The following IFT172 variants were observed in gnomAD, a reference collection of about 807,000 sequenced individuals.
The protein encoded by IFT172 is intraflagellar transport protein 172 homolog.
A neutral mutation model predicts 248.9 loss-of-function variants in IFT172; 164 were observed. The observed-to-expected ratio is 0.66, with a 90% confidence interval of 0.58 to 0.75. The LOEUF (loss-of-function observed/expected upper bound fraction) is 0.75. Ranked by LOEUF, IFT172 falls within the 30% of genes least tolerant of loss-of-function variation. The pLI, the probability that IFT172 is intolerant of heterozygous loss-of-function variation, is 0.00. For synonymous variants in IFT172, 729 were observed against 791.6 expected (o/e 0.92, Z 1.33); for missense variants, 1,950 against 2,192.4 (o/e 0.89, Z 2.21).
At chr2:27,459,149 G>A (rs540726679) in intron 25 of IFT172, 40 of 630,300 alleles carry the variant, frequency 6.3e-5, no homozygotes, top group African/African-American at 5.5e-4. Flanking sequence ...CACGCTGACT[G>A]GAACACAGCT....
chr2:27,485,008 C>G lies in IFT172; in HGVS notation c.296+10G>C. 6.9e-7 allele frequency: 1 copy of G among 1,453,156 alleles called. No homozygotes were observed. The highest frequency in any genetic ancestry group is 9.7e-7 in the Non-Finnish European group (1 of 1,034,328). The allele number at this position is 1,453,156 out of a possible 1,614,324, so 90.0% of individuals were successfully genotyped here. A position where few individuals can be genotyped will look rare whatever the true frequency, so the allele number is the denominator to read the frequency against. ...CCTGGGCCATCCCATCTCCCAGTCTCTATCCTCACCAATCTTCTCCAATCT... is the reference window on the plus strand; with the variant it reads ...CCTGGGCCATCCCATCTCCCAGTCTGTATCCTCACCAATCTTCTCCAATCT... On this transcript the variant is annotated intron_variant, in intron 3 of 47. Coordinates refer to ENST00000260570, the MANE Select transcript of IFT172 (RefSeq NM_015662.3).
At chr2:27,449,654 A>T in intron 37 of IFT172, 37 bp downstream of exon 37, 1 of 1,610,590 alleles carries the variant, frequency 6.2e-7, no homozygotes, top group South Asian at 1.1e-5. Flanking sequence ...AAGGAAGTAA[A>T]AGAGAATTTC....
Position 27,459,388 on chromosome 2 carries a change from T to C in IFT172, c.2777A>G (p.Gln926Arg). The change falls in exon 25 of 48, where the codon CAG becomes CGG. Residue 926 changes from glutamine (Q) to arginine (R), a missense_variant. Coordinates refer to ENST00000260570, the MANE Select transcript of IFT172 (RefSeq NM_015662.3). ...PLVAQHYASL[Q>R]EYEIAEELYT... ...GGGACTCTTCCTCACCTCATACTCC[T>C]GCAGGGATGCATAGTGTTGGGCCAC... The C allele has an allele frequency of 6.2e-7, 1 of 1,614,156 alleles. No individual in the cohort carries two copies. Among genetic ancestry groups the C allele is most frequent in the Admixed American group, 1.7e-5 (1 of 60,014 alleles).
intron 15 of IFT172, chr2:27,471,902 G>A (rs952905102): frequency 2.6e-6 from 1 of 381,890 alleles, no homozygotes. Context: ...TCTAGGTGTG[G>A]TGGCACGTGC....
At chr2:27,471,616 A>T (rs1340754213) in intron 15 of IFT172, 2 of 162,420 alleles carry the variant, frequency 1.2e-5, no homozygotes, top group African/African-American at 4.8e-5. Context: ...TCAGCTAGGC[A>T]TGAGGAGGAG....
At chr2:27,465,085 C>T (rs945591804) in intron 18 of IFT172, 26 of 255,524 alleles carry the variant, frequency 1.0e-4, no homozygotes, top group Non-Finnish European at 1.9e-4. Context: ...CTACGCCTGG[C>T]TAATTTTTGT....
chr2:27,447,847 T>A lies in IFT172; in HGVS notation c.4504A>T (p.Ser1502Cys), dbSNP rs79517696. ...AGGACATCTCGAAGATCAGCCCAGCTATGATAGGCCTCGGCACAGTTGGTT... is the reference window on the plus strand; with the variant it reads ...AGGACATCTCGAAGATCAGCCCAGCAATGATAGGCCTCGGCACAGTTGGTT... ...PGTNCAEAYH[S>C]WADLRDVLFN... Residue 1502 changes from serine (S) to cysteine (C), a missense_variant, in exon 41 of 48, where the codon AGC becomes TGC. Transcript: ENST00000260570. The A allele has an allele frequency of 1.5e-5, 25 of 1,613,764 alleles. No individual in the cohort carries two copies. In the East Asian group the frequency reaches 5.3e-4, roughly 35 times the overall value.
intron 30 of IFT172, chr2:27,455,341 G>A (rs1572742838): frequency 6.5e-6 from 2 of 307,020 alleles, no homozygotes; most frequent in South Asian, 5.7e-5. Context: ...AAATTGCTGT[G>A]AACCTCACAG....
At chr2:27,465,605 G>A in intron 17 of IFT172, 87 bp from the exon 18 acceptor site, 1 of 1,533,210 alleles carries the variant, frequency 6.5e-7, no homozygotes, top group Non-Finnish European at 9.0e-7. Flanking sequence ...AAGGGGAGGG[G>A]GAAGGGCCAT....
At chr2:27,456,091 A>C (rs1403249265) in intron 30 of IFT172, among the ~76,000 whole-genome samples, 1 of 152,120 alleles carries the variant, frequency 6.6e-6, no homozygotes, top group Non-Finnish European at 1.5e-5. Context: ...GCATGCCTGT[A>C]GTCCCAGCTA....
chr2:27,462,881 G>A, intron 19 of IFT172, 88 bp from the exon 20 acceptor site: 1 of 1,345,630 alleles, frequency 7.4e-7, no homozygotes, highest in Non-Finnish European at 1.1e-6. Context: ...GAAGGATGTA[G>A]AAAACAAAAG....
At chr2:27,448,840 C>G (rs1342945552) in intron 40 of IFT172, 75 bp downstream of exon 40, 4 of 793,514 alleles carry the variant, frequency 5.0e-6, no homozygotes, top group Non-Finnish European at 6.9e-6. Flanking sequence ...GAAGATAGTT[C>G]CTGAGAAGAT....
chr2:27,461,619 T>G, intron 21 of IFT172, 102 bp from the exon 22 acceptor site: 1 of 1,516,356 alleles, frequency 6.6e-7, no homozygotes. Flanking sequence ...TCCTCCTGGG[T>G]CAGCAGTATC....
chr2:27,446,386 G>C (rs1572711886), intron 42 of IFT172, 31 bp from the exon 43 acceptor site: 2 of 1,594,874 alleles, frequency 1.3e-6, no homozygotes, highest in South Asian at 2.2e-5. Flanking sequence ...TTATGAATAT[G>C]GCACTAAAGT....
Position 27,445,316 on chromosome 2 carries a change from G to A in IFT172, c.5048C>T (p.Ala1683Val). ...TATACCTGTAATAAGGCAGGGCAGG[G>A]CTCGAACACCAGTGCTCGCTGCCAC... ...SLVAASTGVR[A>V]LPCLITGYPI... Residue 1683 changes from alanine to valine, a missense_variant, in exon 46 of 48, where the codon GCC becomes GTC. Coordinates refer to ENST00000260570, the MANE Select transcript of IFT172 (RefSeq NM_015662.3). This position sits in a 1 kb window ranked among gnomAD's most constrained non-coding sequence, Gnocchi z 4.4. 1 of 1,612,922 alleles carries A rather than the reference G, an allele frequency of 6.2e-7. No individual in the cohort carries two copies. Among genetic ancestry groups the A allele is most frequent in the East Asian group, 2.2e-5 (1 of 44,856 alleles).
intron 30 of IFT172, among the ~76,000 whole-genome samples, chr2:27,456,017 T>G (rs1558370064): frequency 1.3e-5 from 2 of 151,900 alleles, no homozygotes; most frequent in Admixed American, 1.3e-4. Flanking sequence ...ATCAAGACCA[T>G]CCTGGCCAAC....
intron 25 of IFT172, 46 bp downstream of exon 25, chr2:27,459,332 T>C (rs1371423056): frequency 6.3e-7 from 1 of 1,597,018 alleles, no homozygotes; most frequent in Non-Finnish European, 8.5e-7. Context: ...CTCATTGTTA[T>C]CCTCTACTGC....
At chr2:27,451,263 C>A (rs1178408800) in intron 35 of IFT172, among the ~76,000 whole-genome samples, 1 of 152,162 alleles carries the variant, frequency 6.6e-6, no homozygotes, top group East Asian at 1.9e-4. Flanking sequence ...TACTGCCAAG[C>A]CCTTCAAAGC....
At position 27,479,527 on chromosome 2, in the gene IFT172, C is replaced by A; in HGVS notation, c.987G>T (p.Thr329=). 6.2e-7 allele frequency: 1 copy of A among 1,609,482 alleles called. No homozygotes were observed. Among genetic ancestry groups the A allele is most frequent in the South Asian group, 1.1e-5 (1 of 91,002 alleles). The change falls in exon 10 of 48, where the codon ACG becomes ACT. Residue 329 remains threonine (T), a synonymous_variant. Transcript: ENST00000260570. The stretch of plus-strand genomic sequence containing the variant: ...TGCTTACCTGGCTAGGTCCCACATA[C>A]GTCAACTCAAACTTGTTCTTGTAAA... ...RSIYKNKFEL[T]YVGPSQVIVK...
Sources: gnomAD v4.1 joint callset for allele counts (sites outside exome capture counted in the v4.1 genomes callset) on GRCh38, gnomAD v4.1.1 for gene constraint, Gnocchi (gnomAD v3.1) non-coding constraint, MANE v1.5 for transcripts, NCBI Gene and HGNC (gene_info 2026-07-23, HGNC 2026-07-21) for gene names.